The following WDFY2 variants were observed in gnomAD, a reference collection of about 807,000 sequenced individuals.
The protein encoded by WDFY2 is WD repeat and FYVE domain-containing protein 2.
A neutral mutation model predicts 56.4 loss-of-function variants in WDFY2; 36 were observed. The observed-to-expected ratio is 0.64, with a 90% CI of 0.49 to 0.84. The LOEUF (loss-of-function observed/expected upper bound fraction) is 0.84, where lower values mean the gene tolerates loss of function less well. Ranked by LOEUF, WDFY2 falls within the 40% of genes least tolerant of loss-of-function variation. The pLI, the probability that WDFY2 is intolerant of heterozygous loss-of-function variation, is 0.00. For synonymous variants in WDFY2, 176 were observed against 183.7 expected (o/e 0.96, Z 0.34); for missense variants, 444 against 512.2 (o/e 0.87, Z 1.29).
intron 1 of WDFY2, among the ~76,000 whole-genome samples, chr13:51,610,265 A>G (rs1593874165): frequency 6.6e-6 from 1 of 151,512 alleles, no homozygotes; most frequent in African/African-American, 2.4e-5. Context: ...GGGGGGCTAA[A>G]AGCCCACCAT....
At chr13:51,667,151 G>A (rs760648272) in intron 2 of WDFY2, among the ~76,000 whole-genome samples, 1 of 152,134 alleles carries the variant, frequency 6.6e-6, no homozygotes, top group African/African-American at 2.4e-5. Flanking sequence ...AATGGCTTCA[G>A]GTTCTTGATG....
At chr13:51,725,491 C>G (rs1952583595) in intron 5 of WDFY2, among the ~76,000 whole-genome samples, 1 of 152,040 alleles carries the variant, frequency 6.6e-6, no homozygotes, top group Non-Finnish European at 1.5e-5. Flanking sequence ...AGTTTGAGAC[C>G]AGCCTGGGCA....
chr13:51,700,169 C>A (rs920032634), intron 3 of WDFY2, among the ~76,000 whole-genome samples: 1 of 152,118 alleles, frequency 6.6e-6, no homozygotes, highest in Non-Finnish European at 1.5e-5. Context: ...ATACGCCAGA[C>A]CGTTAACATT....
At chr13:51,684,493 CTT>C (rs943448964) in intron 3 of WDFY2, among the ~76,000 whole-genome samples, 4 of 151,656 alleles carry the variant, frequency 2.6e-5, no homozygotes, top group African/African-American at 9.7e-5. Flanking sequence ...GCTGCTTACT[CTT>C]TTTTTGGTGA....
intron 2 of WDFY2, among the ~76,000 whole-genome samples, chr13:51,660,929 C>G (rs974747529): frequency 6.6e-6 from 1 of 152,190 alleles, no homozygotes; most frequent in African/African-American, 2.4e-5. Flanking sequence ...AGCAGTCTCC[C>G]TCTCTTTTCC....
chr13:51,756,565 C>T (rs1354069672), intron 10 of WDFY2, 103 bp downstream of exon 10: 2 of 1,468,628 alleles, frequency 1.4e-6, no homozygotes, highest in African/African-American at 2.8e-5. Flanking sequence ...CTAGTTTCTG[C>T]TGGTTTAGAA....
At chr13:51,693,030 T>C (rs1459286051) in intron 3 of WDFY2, among the ~76,000 whole-genome samples, 2 of 152,072 alleles carry the variant, frequency 1.3e-5, no homozygotes, top group Non-Finnish European at 2.9e-5. Context: ...TCTGTGGGAT[T>C]GGTGGTGATA....
intron 3 of WDFY2, among the ~76,000 whole-genome samples, chr13:51,695,005 G>C (rs1226269944): frequency 6.6e-6 from 1 of 152,066 alleles, no homozygotes; most frequent in Non-Finnish European, 1.5e-5. Flanking sequence ...TCTTCACGTA[G>C]TTCTCAAGCC....
rs943591202 is a variant in WDFY2, at chr13:51,760,396, T to C, written c.*627T>C. ...TTTGTAATGTCTGCCTCATTCACGT[T>C]CTTATGAAGTAGAAAAGACTGTGTT... is the stretch of plus-strand genomic sequence containing the variant. On this transcript the variant is annotated 3_prime_UTR_variant, in exon 12 of 12. Transcript: ENST00000298125. The C allele has an allele frequency of 6.6e-6, 1 of 152,178 alleles. No individual in the cohort carries two copies. Among genetic ancestry groups the C allele is most frequent in the Admixed American group, 6.5e-5 (1 of 15,284 alleles). The allele number at this position is 152,178 out of a possible 1,614,324, so 9.4% of individuals were successfully genotyped here.
At chr13:51,684,559 A>G (rs1332078782) in intron 3 of WDFY2, among the ~76,000 whole-genome samples, 1 of 151,992 alleles carries the variant, frequency 6.6e-6, no homozygotes, top group Non-Finnish European at 1.5e-5. Flanking sequence ...ACTGTGGCCC[A>G]TTCTGTTCTC....
At chr13:51,677,865 CAGGAA>C (rs1326551265) in intron 3 of WDFY2, among the ~76,000 whole-genome samples, 6 of 151,954 alleles carry the variant, frequency 3.9e-5, no homozygotes, top group African/African-American at 1.5e-4. Flanking sequence ...GTTGAGAGAG[CAGGAA>C]AGGAGAGAGA....
chr13:51,632,576 A>G (rs141517588), intron 1 of WDFY2, among the ~76,000 whole-genome samples: 15 of 152,222 alleles, frequency 9.9e-5, no homozygotes, highest in East Asian at 5.8e-4. Context: ...ATTTCAGTGC[A>G]TCTCTTCTTT....
At chr13:51,630,084 C>A (rs1316068033) in intron 1 of WDFY2, among the ~76,000 whole-genome samples, 1 of 152,072 alleles carries the variant, frequency 6.6e-6, no homozygotes, top group Non-Finnish European at 1.5e-5. Flanking sequence ...AGTGATAGAG[C>A]AGAAATATGG....
intron 4 of WDFY2, among the ~76,000 whole-genome samples, chr13:51,715,618 A>G (rs1952327709): frequency 6.6e-6 from 1 of 152,180 alleles, no homozygotes. Context: ...ATTTTAAAAT[A>G]TATATATAAA....
intron 5 of WDFY2, among the ~76,000 whole-genome samples, chr13:51,726,936 C>T (rs981792133): frequency 2.6e-5 from 4 of 152,080 alleles, no homozygotes; most frequent in Non-Finnish European, 5.9e-5. Context: ...TGGCTTTGCT[C>T]ATAATATTTG....
At chr13:51,743,254 G>A (rs1953015807) in intron 7 of WDFY2, among the ~76,000 whole-genome samples, 1 of 152,208 alleles carries the variant, frequency 6.6e-6, no homozygotes, top group African/African-American at 2.4e-5. Context: ...TCTTCTCAAA[G>A]ACAGAAGGGC....
At chr13:51,724,719 C>T (rs1170851682) in intron 5 of WDFY2, among the ~76,000 whole-genome samples, 2 of 152,180 alleles carry the variant, frequency 1.3e-5, no homozygotes, top group Non-Finnish European at 2.9e-5. Flanking sequence ...TGGCACGTCA[C>T]TATCACCTGA....
At chr13:51,735,301 CTG>C (rs1566203615) in intron 6 of WDFY2, among the ~76,000 whole-genome samples, 2 of 152,234 alleles carry the variant, frequency 1.3e-5, no homozygotes, top group African/African-American at 4.8e-5. Flanking sequence ...ATACCAGTCA[CTG>C]TGTGCTGTGC....
At chr13:51,619,756 A>G (rs775706859) in intron 1 of WDFY2, among the ~76,000 whole-genome samples, 1 of 152,230 alleles carries the variant, frequency 6.6e-6, no homozygotes, top group Non-Finnish European at 1.5e-5. Flanking sequence ...GAGCTGCCAC[A>G]TGGTCAGATA....
Sources: allele counts gnomAD v4.1 joint callset (sites outside exome capture counted in the v4.1 genomes callset), GRCh38; gene constraint gnomAD v4.1.1; transcripts MANE v1.5; gene names NCBI Gene and HGNC (gene_info 2026-07-23, HGNC 2026-07-21).